GMDS: variants seen among roughly 807,000 people sequenced by gnomAD.
GMDS encodes GDP-mannose 4,6-dehydratase, also known as GDP-mannose 4,6 dehydratase.
In GMDS, 20 loss-of-function variants were observed where a neutral mutation model predicts 49.9. The ratio of observed to expected loss-of-function variants is 0.40; its 90% CI spans 0.28 to 0.58. The LOEUF is 0.58. Among genes scored for constraint, GMDS ranks in the 20% least tolerant of loss-of-function variants. The pLI, the probability that GMDS is intolerant of heterozygous loss-of-function variation, is 0.42. For synonymous variants in GMDS, 177 were observed against 178.6 expected (o/e 0.99, Z 0.07); for missense variants, 362 against 481.4 (o/e 0.75, Z 2.32).
intron 4 of GMDS, among the ~76,000 whole-genome samples, chr6:2,052,089 C>G (rs1234417071): frequency 1.5e-5 from 2 of 131,344 alleles, no homozygotes; most frequent in Admixed American, 1.7e-4. Flanking sequence ...TGCACTCCAG[C>G]CTGGGTGACA....
chr6:2,220,380 G>A (rs1294834952), intron 1 of GMDS, among the ~76,000 whole-genome samples: 3 of 152,194 alleles, frequency 2.0e-5, no homozygotes, highest in Non-Finnish European at 4.4e-5. Flanking sequence ...GTGATGCTCT[G>A]TGCTGCTTGG....
chr6:1,671,314 G>A (rs1013817887), intron 9 of GMDS, among the ~76,000 whole-genome samples: 7 of 152,108 alleles, frequency 4.6e-5, no homozygotes, highest in African/African-American at 1.4e-4. Flanking sequence ...CTCACTCGAC[G>A]CCCTGTTTAG....
At chr6:1,743,915 C>T (rs1767385532) in intron 7 of GMDS, among the ~76,000 whole-genome samples, 1 of 152,100 alleles carries the variant, frequency 6.6e-6, no homozygotes, top group Non-Finnish European at 1.5e-5. Flanking sequence ...ACAGTAAGGA[C>T]TTAATTATAA....
intron 4 of GMDS, among the ~76,000 whole-genome samples, chr6:1,996,712 A>T (rs966181418): frequency 6.6e-6 from 1 of 152,140 alleles, no homozygotes; most frequent in Non-Finnish European, 1.5e-5. Flanking sequence ...TCTTCTAGGA[A>T]GCTGCACACA....
chr6:1,691,307 A>G (rs1404637911), intron 9 of GMDS, among the ~76,000 whole-genome samples: 1 of 152,100 alleles, frequency 6.6e-6, no homozygotes, highest in Admixed American at 6.5e-5. Context: ...GGAGCTGAAC[A>G]ATGAGAACAC....
At chr6:1,683,122 GTTTCT>G (rs1452074902) in intron 9 of GMDS, among the ~76,000 whole-genome samples, 1 of 152,012 alleles carries the variant, frequency 6.6e-6, no homozygotes, top group Non-Finnish European at 1.5e-5. Flanking sequence ...ATGGCTCTAG[GTTTCT>G]TTTGTTTGTT....
At chr6:1,809,973 A>C (rs1436269178) in intron 7 of GMDS, among the ~76,000 whole-genome samples, 1 of 152,084 alleles carries the variant, frequency 6.6e-6, no homozygotes. Context: ...TAAACATTGG[A>C]GGGTTATTTT....
At chr6:2,200,980 C>T (rs192412804) in intron 1 of GMDS, among the ~76,000 whole-genome samples, 19 of 141,126 alleles carry the variant, frequency 1.3e-4, no homozygotes, top group Admixed American at 8.5e-4. Flanking sequence ...CATGGGCATC[C>T]GAGATGAACC....
intron 4 of GMDS, among the ~76,000 whole-genome samples, chr6:1,962,877 TTTC>T (rs1009965305): frequency 9.9e-5 from 15 of 151,084 alleles, no homozygotes; most frequent in African/African-American, 3.6e-4. Flanking sequence ...CTTTTTTTTC[TTTC>T]TTTTTTTTTT....
intron 4 of GMDS, among the ~76,000 whole-genome samples, chr6:2,033,537 T>C (rs987882994): frequency 6.6e-6 from 1 of 152,212 alleles, no homozygotes; most frequent in African/African-American, 2.4e-5. Flanking sequence ...TGTAAGTAAC[T>C]TCCTAAGGAA....
At chr6:2,021,078 C>T (rs1004765069) in intron 4 of GMDS, among the ~76,000 whole-genome samples, 4 of 152,216 alleles carry the variant, frequency 2.6e-5, no homozygotes, top group Admixed American at 2.6e-4. Flanking sequence ...TAATCAGGTG[C>T]AGAGCAGGAA....
At chr6:1,624,426 G>T in intron 10 of GMDS, 46 bp downstream of exon 10, 1 of 1,549,578 alleles carries the variant, frequency 6.5e-7, no homozygotes, top group Non-Finnish European at 8.9e-7. Flanking sequence ...CCGCCCTGCA[G>T]CCCGGGGCCC....
chr6:1,877,435 T>C (rs913328412), intron 7 of GMDS, among the ~76,000 whole-genome samples: 3 of 150,972 alleles, frequency 2.0e-5, no homozygotes, highest in African/African-American at 7.3e-5. Context: ...AGGAAAGGAG[T>C]TCGAGACCAG....
intron 4 of GMDS, among the ~76,000 whole-genome samples, chr6:1,985,819 G>T (rs1386739294): frequency 6.6e-6 from 1 of 151,836 alleles, no homozygotes; most frequent in East Asian, 1.9e-4. Flanking sequence ...GAAGAGGCGG[G>T]CTACTAAAAC....
At chr6:1,912,160 G>A (rs1028958962) in intron 7 of GMDS, among the ~76,000 whole-genome samples, 3 of 152,130 alleles carry the variant, frequency 2.0e-5, no homozygotes, top group Admixed American at 6.6e-5. Context: ...GAGGTCAGGA[G>A]TTTGAGACCA....
intron 4 of GMDS, among the ~76,000 whole-genome samples, chr6:2,005,758 C>A (rs549355414): frequency 2.6e-5 from 4 of 152,324 alleles, no homozygotes; most frequent in Admixed American, 1.3e-4. Context: ...CTCAGCTAGA[C>A]CCTCCAGACC....
chr6:1,932,639 G>A (rs147193714), intron 6 of GMDS, among the ~76,000 whole-genome samples: 2,010 of 149,586 alleles, frequency 0.013, 44 homozygotes, highest in African/African-American at 0.046. Context: ...CCGGGTTCAC[G>A]CCATTCTCCT....
In GMDS at chr6:1,806,041, G is replaced by C. The variant is rs142616948; in HGVS notation, c.772-63455C>G. Among the ~76,000 whole-genome samples the C allele has an allele frequency of 3.3e-5, 5 of 152,270 alleles. No homozygotes were observed. In the East Asian group the frequency reaches 9.6e-4, roughly 29 times the overall value. On this transcript the variant is annotated intron_variant, in intron 7 of 10. Transcript: ENST00000380815. ...AGACAGTAGTCCCAGCTACTCAGGA[G>C]GCTGAGGCAGGAAGATCTTGTGAGC...
intron 7 of GMDS, among the ~76,000 whole-genome samples, chr6:1,785,850 C>T (rs192498523): frequency 7.2e-5 from 11 of 152,304 alleles, no homozygotes; most frequent in Admixed American, 2.6e-4. Flanking sequence ...TCATTTTCTG[C>T]GCACCATTCA....
Sources: gnomAD v4.1 joint callset for allele counts (sites outside exome capture counted in the v4.1 genomes callset) on GRCh38, gnomAD v4.1.1 for gene constraint, MANE v1.5 for transcripts, NCBI Gene and HGNC (gene_info 2026-07-23, HGNC 2026-07-21) for gene names.